The following PDE1C variants were observed in gnomAD, a reference collection of about 807,000 sequenced individuals.
PDE1C encodes phosphodiesterase 1C.
A neutral mutation model predicts 93.1 loss-of-function variants in PDE1C; 62 were observed. The observed-to-expected ratio is 0.67, with a 90% CI of 0.54 to 0.82. The LOEUF is 0.82. PDE1C is among the 40% of genes least tolerant of loss of function. PDE1C has a pLI of 0.00. For synonymous variants in PDE1C, 325 were observed against 310.1 expected, an observed-to-expected ratio of 1.05 and a Z score of -0.50; for missense variants, 742 against 884.6, an observed-to-expected ratio of 0.84 and a Z score of 2.04.
chr7:31,701,684 TGA>T, the PDE1C span, among the ~76,000 whole-genome samples: 1 of 152,236 alleles, frequency 6.6e-6, no homozygotes, highest in Non-Finnish European at 1.5e-5. Context: ...ACTGTCATCT[TGA>T]GAGATTGCCA....
the PDE1C span, among the ~76,000 whole-genome samples, chr7:31,731,907 C>T: frequency 1.3e-5 from 2 of 152,176 alleles, no homozygotes; most frequent in Non-Finnish European, 1.5e-5. Context: ...CCTAGTGCTC[C>T]AGCACCTCCT....
chr7:31,690,089 C>T, the PDE1C span, among the ~76,000 whole-genome samples: 2 of 152,194 alleles, frequency 1.3e-5, no homozygotes, highest in Non-Finnish European at 2.9e-5. Flanking sequence ...CGGCCAGAGA[C>T]AGGCTTTCTT....
chr7:32,044,714 T>TA (rs1792287766), intron 2 of PDE1C, among the ~76,000 whole-genome samples: 1 of 151,952 alleles, frequency 6.6e-6, no homozygotes, highest in South Asian at 2.1e-4. Flanking sequence ...AGAGGAAGAA[T>TA]AAAAAGTTAA....
Position 31,815,864 on chromosome 7 carries a change from T to C in PDE1C, c.1813+60A>G, listed in dbSNP as rs559436737. On this transcript the variant is annotated intron_variant, in intron 15 of 17. Transcript: ENST00000396191. ...CCATCAGTAGGGTTGTTCACCAGTT[T>C]CCATTCATTATGTCATTAATGCCGC... 1.0e-4 allele frequency: 130 copies of C among 1,267,368 alleles called. 2 individuals carry two copies. Among genetic ancestry groups the C allele is most frequent in the South Asian group, 7.8e-4 (65 of 83,424 alleles). The allele number at this position is 1,267,368 out of a possible 1,614,324, so 78.5% of individuals were successfully genotyped here. A position where few individuals can be genotyped will look rare whatever the true frequency, so the allele number is the denominator to read the frequency against.
rs1283888598 is a variant in PDE1C at position 32,394,786 on chromosome 7, C to T, written c.310+33036G>A. On this transcript the variant is annotated intron_variant, in intron 1 of 1. Coordinates refer to the PDE1C transcript ENST00000672256. ...CCATGATCATGCCACTGCACTCCAGCCTGGGTGACAGAGCGAGACCCTGTC... is the reference window on the plus strand; with the variant it reads ...CCATGATCATGCCACTGCACTCCAGTCTGGGTGACAGAGCGAGACCCTGTC... Among the ~76,000 whole-genome samples, 5 of 152,120 alleles carry T rather than the reference C, an allele frequency of 3.3e-5. No individual in the cohort carries two copies. The East Asian group carries it at 9.6e-4, about 29-fold the overall frequency.
the PDE1C span, among the ~76,000 whole-genome samples, chr7:31,717,477 G>T: frequency 6.6e-6 from 1 of 152,164 alleles, no homozygotes; most frequent in Non-Finnish European, 1.5e-5. Context: ...GTGGGGGGCA[G>T]AAGGGAAGGT....
At chr7:32,338,658 C>T (rs937194092) in intron 1 of PDE1C, among the ~76,000 whole-genome samples, 1 of 152,116 alleles carries the variant, frequency 6.6e-6, no homozygotes, top group Non-Finnish European at 1.5e-5. Context: ...TTGAACACAG[C>T]GTCTCAAAGA....
chr7:31,669,120 T>A, the PDE1C span, among the ~76,000 whole-genome samples: 1 of 152,156 alleles, frequency 6.6e-6, no homozygotes, highest in Non-Finnish European at 1.5e-5. Context: ...ATGTGACGCA[T>A]TTTAAGAGTA....
rs1410818014 is a variant in PDE1C at position 31,810,769 on chromosome 7, T to A, written c.1814-1661A>T. On this transcript the variant is annotated intron_variant, in intron 15 of 17. Transcript: ENST00000396191. ...ACTGCCAAGCCCTCAACTATAGTATTTGCAACTTCTCTATGAAGTTCAAGT... is the reference window on the plus strand; with the variant it reads ...ACTGCCAAGCCCTCAACTATAGTATATGCAACTTCTCTATGAAGTTCAAGT... 2.0e-5 allele frequency among the ~76,000 whole-genome samples: 3 copies of A among 152,124 alleles called. No homozygotes were observed. In the East Asian group the frequency reaches 5.8e-4, roughly 29 times the overall value.
chr7:31,724,898 G>A, the PDE1C span, among the ~76,000 whole-genome samples: 3 of 152,170 alleles, frequency 2.0e-5, no homozygotes, highest in South Asian at 6.2e-4. Context: ...TAGCACTCTG[G>A]AATGCAGGGG....
At chr7:32,076,325 A>G (rs1796352411), upstream of PDE1C, among the ~76,000 whole-genome samples, 1 of 152,116 alleles carries the variant, frequency 6.6e-6, no homozygotes, top group African/African-American at 2.4e-5. Context: ...TCTTTTCACC[A>G]TGTGGAGAGA....
intron 1 of PDE1C, among the ~76,000 whole-genome samples, chr7:32,220,732 G>A (rs867331129): frequency 6.6e-6 from 1 of 152,144 alleles, no homozygotes; most frequent in Non-Finnish European, 1.5e-5. Flanking sequence ...GCAGGAGAAT[G>A]GCGTGAACCC....
chr7:31,933,013 A>T (rs945784562), intron 2 of PDE1C, among the ~76,000 whole-genome samples: 1 of 152,086 alleles, frequency 6.6e-6, no homozygotes, highest in Non-Finnish European at 1.5e-5. Flanking sequence ...GGAGTTGAAT[A>T]ATGAGAATGA....
At chr7:32,022,570 G>C (rs1788833281) in intron 2 of PDE1C, among the ~76,000 whole-genome samples, 1 of 152,024 alleles carries the variant, frequency 6.6e-6, no homozygotes, top group South Asian at 2.1e-4. Context: ...GGCCCCTTTA[G>C]TATCTAGGCT....
chr7:32,129,198 G>A (rs1274624805), intron 3 of PDE1C, among the ~76,000 whole-genome samples: 1 of 150,986 alleles, frequency 6.6e-6, no homozygotes, highest in African/African-American at 2.4e-5. Flanking sequence ...GGTTGTACTA[G>A]AGTAAAAAAA....
intron 1 of PDE1C, among the ~76,000 whole-genome samples, chr7:32,314,549 G>T (rs1783128632): frequency 6.6e-6 from 1 of 152,166 alleles, no homozygotes; most frequent in African/African-American, 2.4e-5. Flanking sequence ...AGGGAATGTG[G>T]TTTCTTAGGG....
intron 1 of PDE1C, among the ~76,000 whole-genome samples, chr7:32,279,576 C>A (rs1811496149): frequency 6.6e-6 from 1 of 151,770 alleles, no homozygotes; most frequent in Non-Finnish European, 1.5e-5. Flanking sequence ...TGACATTATA[C>A]CCCATAAATA....
chr7:32,299,643 G>A (rs574913795), upstream of PDE1C, among the ~76,000 whole-genome samples: 1 of 152,348 alleles, frequency 6.6e-6, no homozygotes, highest in South Asian at 2.1e-4. Context: ...CATGGGGCTT[G>A]AGAAAAGTGC....
At chr7:32,097,851 C>T (rs184639261) in intron 3 of PDE1C, among the ~76,000 whole-genome samples, 21 of 152,264 alleles carry the variant, frequency 1.4e-4, no homozygotes, top group African/African-American at 3.8e-4. Context: ...TCCTATGGTA[C>T]TCTTAATAGG....
Sources: gnomAD v4.1 joint callset for allele counts (sites outside exome capture counted in the v4.1 genomes callset) on GRCh38, gnomAD v4.1.1 for gene constraint, MANE v1.5 for transcripts, NCBI Gene and HGNC (gene_info 2026-07-23, HGNC 2026-07-21) for gene names.